Variants in JAM3 observed in about 807,000 individuals in gnomAD.
The protein encoded by JAM3 is junctional adhesion molecule C.
Under a neutral mutation model 39.4 loss-of-function variants are expected in JAM3, and 31 were observed. The observed-to-expected ratio is 0.79, with a 90% CI of 0.59 to 1.06. The LOEUF is 1.06. JAM3 is among the 50% of genes least tolerant of loss of function. JAM3 has a pLI of 0.00. For missense variants in JAM3, 455 were observed against 391.4 expected (o/e 1.16, Z -1.37); for synonymous variants, 182 against 148.7 (o/e 1.22, Z -1.63).
At chr11:134,142,628 T>C (rs1942997402) in intron 3 of JAM3, among the ~76,000 whole-genome samples, 1 of 152,240 alleles carries the variant, frequency 6.6e-6, no homozygotes, top group African/African-American at 2.4e-5. Flanking sequence ...TGTTTTTTTA[T>C]GGAGCTGTAA....
At chr11:134,095,310 A>G (rs1478640755) in intron 1 of JAM3, among the ~76,000 whole-genome samples, 1 of 150,894 alleles carries the variant, frequency 6.6e-6, no homozygotes, top group Non-Finnish European at 1.5e-5. Flanking sequence ...TTTTTTTTTT[A>G]TTGGCACATG....
intron 1 of JAM3, among the ~76,000 whole-genome samples, chr11:134,132,848 C>A (rs1284985102): frequency 1.3e-5 from 2 of 152,170 alleles, no homozygotes; most frequent in African/African-American, 4.8e-5. Context: ...CTTGTTGGCA[C>A]TGAGCCTCCA....
chr11:134,122,275 A>G (rs558328535), intron 1 of JAM3, among the ~76,000 whole-genome samples: 1 of 152,338 alleles, frequency 6.6e-6, no homozygotes, highest in African/African-American at 2.4e-5. Flanking sequence ...GGCTCTGCAC[A>G]GCAAATTCCA....
At chr11:134,111,962 C>T (rs543183387) in intron 1 of JAM3, among the ~76,000 whole-genome samples, 1 of 152,312 alleles carries the variant, frequency 6.6e-6, no homozygotes, top group African/African-American at 2.4e-5. Context: ...CCACAACCTC[C>T]ATAATCACAC....
chr11:134,089,222 T>G (rs1228605003), intron 1 of JAM3, among the ~76,000 whole-genome samples: 1 of 152,218 alleles, frequency 6.6e-6, no homozygotes, highest in East Asian at 1.9e-4. Flanking sequence ...AAAGGCAAAT[T>G]CTGCACACAT....
intron 1 of JAM3, among the ~76,000 whole-genome samples, chr11:134,129,530 T>A (rs1407918052): frequency 6.6e-6 from 1 of 152,198 alleles, no homozygotes; most frequent in Non-Finnish European, 1.5e-5. Context: ...TGAAACTTGC[T>A]ATTCTCTGGA....
At chr11:134,140,934 C>G (rs1407347725) in intron 3 of JAM3, among the ~76,000 whole-genome samples, 164 bp downstream of exon 3, 1 of 151,044 alleles carries the variant, frequency 6.6e-6, no homozygotes, top group Non-Finnish European at 1.5e-5. Flanking sequence ...CAAATATATG[C>G]AAAAGTAATG....
intron 1 of JAM3, among the ~76,000 whole-genome samples, chr11:134,069,964 A>G (rs1189121865): frequency 6.6e-6 from 1 of 152,228 alleles, no homozygotes; most frequent in African/African-American, 2.4e-5. Context: ...TTTGATCAAG[A>G]CACACTAATA....
Position 134,149,898 on chromosome 11 carries a change from T to C in JAM3, c.*717T>C, listed in dbSNP as rs918839954. 4.8e-6 allele frequency: 1 copy of C among 209,802 alleles called. No individual in the cohort carries two copies. Among genetic ancestry groups the C allele is most frequent in the African/African-American group, 2.3e-5 (1 of 42,686 alleles). The allele number at this position is 209,802 out of a possible 1,614,324, so 13.0% of individuals were successfully genotyped here. A position where few individuals can be genotyped will look rare whatever the true frequency, so the allele number is the denominator to read the frequency against. On this transcript the variant is annotated 3_prime_UTR_variant, in exon 9 of 9. Coordinates refer to ENST00000299106, the MANE Select transcript of JAM3 (RefSeq NM_032801.5). ...AATGGTACTGAAATATGCTTTTCTA[T>C]GGGTCTTGTTTATTTTATAAAATTT...
At position 134,120,571 on chromosome 11, in the gene JAM3, T is replaced by C. The variant is rs925786247; in HGVS notation, c.77-19280T>C. ...TGCAGTTAAATGTTAGTAGCCATTG[T>C]TAATGTTGGAAGCCTCCCGTCTCCC... On this transcript the variant is annotated intron_variant, in intron 1 of 8. Transcript: ENST00000299106. Among the ~76,000 whole-genome samples the C allele has an allele frequency of 5.9e-5, 9 of 152,242 alleles. 1 individual carries two copies. Among genetic ancestry groups the C allele is most frequent in the Admixed American group, 2.0e-4 (3 of 15,282 alleles).
intron 1 of JAM3, among the ~76,000 whole-genome samples, chr11:134,090,770 T>G (rs1473432218): frequency 6.6e-6 from 1 of 151,994 alleles, no homozygotes; most frequent in Non-Finnish European, 1.5e-5. Context: ...CTGAAATGCT[T>G]TGCTTTGAAG....
In JAM3 at chr11:134,123,907, TG is replaced by T. The variant is rs1273043764; in HGVS notation, c.77-15942del. 9.2e-6 allele frequency: 10 copies of T among 1,084,376 alleles called. No homozygotes were observed. In the African/African-American group the frequency reaches 1.4e-4, roughly 15 times the overall value. The allele number at this position is 1,084,376 out of a possible 1,614,324, so 67.2% of individuals were successfully genotyped here. A position where few individuals can be genotyped will look rare whatever the true frequency, so the allele number is the denominator to read the frequency against. On this transcript the variant is annotated intron_variant, in intron 1 of 8. Transcript: ENST00000299106. ...TATTTCTCCAAGTAAAGCAGCTGTT[TG>T]GAATTGAAGGCCCCCCTTCTTTTTT... is the stretch of plus-strand genomic sequence containing the variant.
chr11:134,125,095 C>T (rs1207594757), intron 1 of JAM3, among the ~76,000 whole-genome samples: 5 of 152,304 alleles, frequency 3.3e-5, no homozygotes, highest in African/African-American at 9.6e-5. Flanking sequence ...TGTGGTGTCG[C>T]CTCCCGAGGT....
Position 134,149,518 on chromosome 11 carries a change from T to C in JAM3, c.*337T>C. On this transcript the variant is annotated 3_prime_UTR_variant, in exon 9 of 9. Coordinates refer to ENST00000299106, the MANE Select transcript of JAM3 (RefSeq NM_032801.5). ...TCACGTAAACGCCCGTGCTGGGCCC[T>C]GTGAAGCCAGCATGTTCACCACTGG... 2.0e-6 allele frequency: 1 copy of C among 508,774 alleles called. No individual in the cohort carries two copies. The highest frequency in any genetic ancestry group is 3.8e-6 in the Non-Finnish European group (1 of 264,828). The allele number at this position is 508,774 out of a possible 1,614,324, so 31.5% of individuals were successfully genotyped here. A position where few individuals can be genotyped will look rare whatever the true frequency, so the allele number is the denominator to read the frequency against.
chr11:134,148,962 A>T, intron 8 of JAM3, 144 bp downstream of exon 8: 1 of 650,388 alleles, frequency 1.5e-6, no homozygotes, highest in Admixed American at 2.3e-5. Context: ...AGTAACACAC[A>T]CACACACACA....
chr11:134,091,624 C>G (rs1050006955), intron 1 of JAM3, among the ~76,000 whole-genome samples: 1 of 48,720 alleles, frequency 2.1e-5, no homozygotes, highest in South Asian at 1.6e-3. Flanking sequence ...AGTAAAACCC[C>G]GTGTCAAAAA....
chr11:134,078,296 T>C (rs555231376), intron 1 of JAM3, among the ~76,000 whole-genome samples: 114 of 152,046 alleles, frequency 7.5e-4, no homozygotes, highest in African/African-American at 2.6e-3. Flanking sequence ...ATTTTTGTAT[T>C]TTTAGTAGAG....
At chr11:134,142,379 AC>A (rs900208032) in intron 3 of JAM3, among the ~76,000 whole-genome samples, 2 of 152,158 alleles carry the variant, frequency 1.3e-5, no homozygotes, top group Non-Finnish European at 2.9e-5. Context: ...TGGGTGTATA[AC>A]AAAGCTTCCC....
At chr11:134,148,383 T>C in intron 6 of JAM3, 164 bp from the exon 7 acceptor site, 1 of 765,016 alleles carries the variant, frequency 1.3e-6, no homozygotes, top group Non-Finnish European at 2.2e-6. Context: ...CTATATGTTC[T>C]AGGCTAGAAG....
Sources: gnomAD v4.1 joint callset for allele counts (sites outside exome capture counted in the v4.1 genomes callset) on GRCh38, gnomAD v4.1.1 for gene constraint, MANE v1.5 for transcripts, NCBI Gene and HGNC (gene_info 2026-07-23, HGNC 2026-07-21) for gene names.